The following NAB2 variants were observed in gnomAD, a reference collection of about 807,000 sequenced individuals.
The protein encoded by NAB2 is NGFI-A binding protein 2, also known as NGFI-A-binding protein 2.
A neutral mutation model predicts 44.2 loss-of-function variants in NAB2; 9 were observed. The observed-to-expected ratio is 0.20, with a 90% CI of 0.12 to 0.36. The LOEUF (loss-of-function observed/expected upper bound fraction) is 0.36. Ranked by LOEUF, NAB2 falls within the 10% of genes least tolerant of loss-of-function variation. NAB2 has a pLI of 1.00. For missense variants in NAB2, 514 were observed against 709.0 expected (o/e 0.73, Z 3.12); for synonymous variants, 342 against 291.0 (o/e 1.18, Z -1.78).
In NAB2 at chr12:57,095,316, C is replaced by G. The variant is rs2033334130; in HGVS notation, c.*595C>G. ...GGGCGGTGGGTGTGGGATCCCTTCA[C>G]TGGCCCCCTCGGGAGGCCTGGGTTG... On this transcript the variant is annotated 3_prime_UTR_variant, in exon 7 of 7. Transcript: ENST00000300131. 6.5e-6 allele frequency: 1 copy of G among 153,164 alleles called. No homozygotes were observed. Among genetic ancestry groups the G allele is most frequent in the African/African-American group, 2.4e-5 (1 of 41,462 alleles). The allele number at this position is 153,164 out of a possible 1,614,324, so 9.5% of individuals were successfully genotyped here. A position where few individuals can be genotyped will look rare whatever the true frequency, so the allele number is the denominator to read the frequency against.
chr12:57,094,095 T>C (rs1206541655), intron 6 of NAB2, among the ~76,000 whole-genome samples: 1 of 151,424 alleles, frequency 6.6e-6, no homozygotes, highest in Non-Finnish European at 1.5e-5. Flanking sequence ...CAACCCTGGC[T>C]TGGTATTTTT....
Position 57,091,074 on chromosome 12 carries a change from C to T in NAB2, c.84-51C>T, listed in dbSNP as rs1422235289. The T allele has an allele frequency of 7.0e-7, 1 of 1,434,014 alleles. No individual in the cohort carries two copies. Among genetic ancestry groups the T allele is most frequent in the Non-Finnish European group, 9.4e-7 (1 of 1,066,816 alleles). 88.8% of individuals were successfully genotyped at this position (1,434,014 alleles called of 1,614,324 possible). ...ACAATTGTTAGTGTGGGTTGGTACC[C>T]AGTAGGGGGACTTGCACCGACTGCC... On this transcript the variant is annotated intron_variant, in intron 1 of 6. Coordinates refer to ENST00000300131, the MANE Select transcript of NAB2 (RefSeq NM_005967.4). This position sits in a 1 kb window ranked among gnomAD's most constrained non-coding sequence, Gnocchi z 7.3.
chr12:57,093,562 C>T lies in NAB2; in HGVS notation c.1432C>T (p.Leu478Phe), dbSNP rs753131155. 6.5e-7 allele frequency: 1 copy of T among 1,540,360 alleles called. No homozygotes were observed. Among genetic ancestry groups the T allele is most frequent in the Non-Finnish European group, 8.7e-7 (1 of 1,143,546 alleles). The change falls in exon 6 of 7, where the codon CTC becomes TTC. Residue 478 changes from leucine (L) to phenylalanine (F), a missense_variant. Around this residue, in one of 5 missense-constraint regions of NAB2, gnomAD observed 194 missense variants for 223.9 expected, o/e 0.87. Coordinates refer to ENST00000300131, the MANE Select transcript of NAB2 (RefSeq NM_005967.4). ...CGTCTCCCACGACCGCGTGGGCCGC[C>T]TCAGCCCCTGTGTGCCTGCGAAGCC... ...RLVSHDRVGRLSPCVPAKPPL... is the reference protein window; with the variant it reads ...RLVSHDRVGRFSPCVPAKPPL...
rs1352401227 is a variant in NAB2, at chr12:57,091,983, G to C, written c.942G>C (p.Gln314His). The C allele has an allele frequency of 1.2e-6, 2 of 1,608,714 alleles. No individual in the cohort carries two copies. The highest frequency in any genetic ancestry group is 4.5e-5 in the East Asian group (2 of 44,798). The change falls in exon 2 of 7, where the codon CAG (glutamine) becomes CAC (histidine). Residue 314 changes from glutamine to histidine, a missense_variant. Around this residue, in one of 5 missense-constraint regions of NAB2, gnomAD observed 53 missense variants for 108.5 expected, o/e 0.49. Coordinates refer to ENST00000300131, the MANE Select transcript of NAB2 (RefSeq NM_005967.4). The surrounding 1 kb of genome is among the most constrained non-coding windows in gnomAD (Gnocchi z 7.3). ...ACTCTAAGCGGCGGGAGGGCAAGCA[G>C]CTCAGCCTGCACGAGGTGAGAACCC... ...RFDSKRREGK[Q>H]LSLHELTINE... is the part of the protein sequence containing the mutation.
intron 6 of NAB2, 49 bp downstream of exon 6, chr12:57,093,647 C>G (rs899333919): frequency 2.8e-6 from 4 of 1,434,892 alleles, no homozygotes; most frequent in Admixed American, 5.5e-5. Flanking sequence ...CACTCAGGCC[C>G]CACACAGCAA....
At chr12:57,093,336 C>T (rs1592533590) in intron 5 of NAB2, 71 bp from the exon 6 acceptor site, 2 of 1,471,610 alleles carry the variant, frequency 1.4e-6, no homozygotes, top group African/African-American at 2.8e-5. Flanking sequence ...GGCCTGTGGG[C>T]TGGCTATGTG....
chr12:57,089,905 C>T lies in NAB2; in HGVS notation c.83+551C>T, dbSNP rs983782719. The stretch of plus-strand genomic sequence containing the variant: ...ATCAAGAGGCCTTGAGCCGCTCCCC[C>T]ACTCCACTTGAAGATGCGGGTGGAA... On this transcript the variant is annotated intron_variant, in intron 1 of 6. Transcript: ENST00000300131. 3.3e-5 allele frequency among the ~76,000 whole-genome samples: 5 copies of T among 152,232 alleles called. No individual in the cohort carries two copies. The East Asian group carries it at 9.6e-4, about 29-fold the overall frequency.
Position 57,093,349 on chromosome 12 carries a change from T to C in NAB2, c.1277-58T>C. 6.1e-6 allele frequency: 9 copies of C among 1,476,474 alleles called. No homozygotes were observed. The South Asian group carries it at 1.2e-4, about 20-fold the overall frequency. 91.5% of individuals were successfully genotyped at this position (1,476,474 alleles called of 1,614,324 possible). A position where few individuals can be genotyped will look rare whatever the true frequency, so the allele number is the denominator to read the frequency against. On this transcript the variant is annotated intron_variant, in intron 5 of 6. Coordinates refer to ENST00000300131, the MANE Select transcript of NAB2 (RefSeq NM_005967.4). ...AGGGCCTGTGGGCTGGCTATGTGGT[T>C]GAGGGTGGGGGTTCCATTGGCTGCA...
intron 1 of NAB2, 139 bp downstream of exon 1, chr12:57,089,493 G>C: frequency 1.4e-6 from 1 of 728,942 alleles, no homozygotes; most frequent in Non-Finnish European, 2.2e-6. Context: ...GGAAAAGGGG[G>C]TGCGTCTTCG....
At chr12:57,093,723 C>A in intron 6 of NAB2, 125 bp downstream of exon 6, 2 of 1,079,880 alleles carry the variant, frequency 1.9e-6, no homozygotes, top group Non-Finnish European at 2.5e-6. Flanking sequence ...AGTAGGATGG[C>A]TGGGCTCCAG....
At position 57,091,020 on chromosome 12, in the gene NAB2, G is replaced by A; in HGVS notation, c.84-105G>A. 1 of 999,788 alleles carries A rather than the reference G, an allele frequency of 1.0e-6. No individual in the cohort carries two copies. The highest frequency in any genetic ancestry group is 1.5e-6 in the Non-Finnish European group (1 of 686,884). The allele number at this position is 999,788 out of a possible 1,614,324, so 61.9% of individuals were successfully genotyped here. A position where few individuals can be genotyped will look rare whatever the true frequency, so the allele number is the denominator to read the frequency against. ...GGCAGGATAGCATCCAAATGAGGGA[G>A]GGGAAGAAAAGCAGGCAGGAAAGAG... On this transcript the variant is annotated intron_variant, in intron 1 of 6. Transcript: ENST00000300131. This position sits in a 1 kb window ranked among gnomAD's most constrained non-coding sequence, Gnocchi z 7.3.
Position 57,095,276 on chromosome 12 carries a change from C to T in NAB2, c.*555C>T, listed in dbSNP as rs1428728703. 6.5e-6 allele frequency: 1 copy of T among 154,070 alleles called. No homozygotes were observed. Among genetic ancestry groups the T allele is most frequent in the African/African-American group, 2.4e-5 (1 of 41,438 alleles). The allele number at this position is 154,070 out of a possible 1,614,324, so 9.5% of individuals were successfully genotyped here. ...TCCCCCAAGTCCTTTGCAATTTCTTCCCTGCCCTACATAGGGGCGGTGGGT... is the reference window on the plus strand; with the variant it reads ...TCCCCCAAGTCCTTTGCAATTTCTTTCCTGCCCTACATAGGGGCGGTGGGT... On this transcript the variant is annotated 3_prime_UTR_variant, in exon 7 of 7. Transcript: ENST00000300131.
At position 57,092,954 on chromosome 12, in the gene NAB2, A is replaced by C; in HGVS notation, c.1129A>C (p.Lys377Gln). 1 of 1,614,190 alleles carries C rather than the reference A, an allele frequency of 6.2e-7. No homozygotes were observed. The highest frequency in any genetic ancestry group is 8.5e-7 in the Non-Finnish European group (1 of 1,180,028). Residue 377 changes from lysine to glutamine, a missense_variant, in exon 4 of 7, where the codon AAG becomes CAG. Physicochemically the swap from Lys to Gln is moderately conservative, Grantham distance 53. Transcript: ENST00000300131. ...AGAACTGGGAGGCCCTCCACTGAAGAAGCTGAAACAAGAGGTATGTTTTCC... is the reference window on the plus strand; with the variant it reads ...AGAACTGGGAGGCCCTCCACTGAAGCAGCTGAAACAAGAGGTATGTTTTCC... The part of the protein sequence containing the change: ...PEELGGPPLK[K>Q]LKQEVGEQSH...
chr12:57,089,741 C>CCGGGGTCCTGGAGAAGG (rs60136664), intron 1 of NAB2, among the ~76,000 whole-genome samples: 105,835 of 150,430 alleles, frequency 0.7, 37,618 homozygotes, highest in African/African-American at 0.79. Flanking sequence ...GCGCGGGCCC[C>CCGGGGTCCTGGAGAAGG]CGGTGCCTTT....
Position 57,092,578 on chromosome 12 carries a change from C to T in NAB2, c.1088C>T (p.Ser363Phe), listed in dbSNP as rs369196466. 4.3e-6 allele frequency: 7 copies of T among 1,614,070 alleles called. No individual in the cohort carries two copies. Among genetic ancestry groups the T allele is most frequent in the Non-Finnish European group, 2.5e-6 (3 of 1,179,954 alleles). The change falls in exon 3 of 7, where the codon TCC (serine) becomes TTC (phenylalanine). Residue 363 changes from serine (S) to phenylalanine (F), a missense_variant. By Grantham distance (155) the Ser-to-Phe change is radical. Transcript: ENST00000300131. ...ACCTACTTGTCCTCCTTGAAGGGCT[C>T]CAGGTGAGACCCCTTCCCCAGGTCC... ...ESTYLSSLKG[S>F]RLHPEELGGP... is the part of the protein sequence containing the mutation.
At position 57,089,262 on chromosome 12, in the gene NAB2, C is replaced by T. The variant is rs1265234310; in HGVS notation, c.-10C>T. On this transcript the variant is annotated 5_prime_UTR_variant, in exon 1 of 7. Coordinates refer to ENST00000300131, the MANE Select transcript of NAB2 (RefSeq NM_005967.4). ...CCGAGAAGGGCAGCCCGGGTGATCTCCGGCCGTCCATGCACAGAGCGCCTT... is the reference window on the plus strand; with the variant it reads ...CCGAGAAGGGCAGCCCGGGTGATCTTCGGCCGTCCATGCACAGAGCGCCTT... 1.3e-6 allele frequency: 2 copies of T among 1,568,366 alleles called. No individual in the cohort carries two copies. Among genetic ancestry groups the T allele is most frequent in the Middle Eastern group, 1.7e-4 (1 of 5,842 alleles).
chr12:57,093,379 C>G, intron 5 of NAB2, 28 bp from the exon 6 acceptor site: 1 of 1,522,406 alleles, frequency 6.6e-7, no homozygotes, highest in South Asian at 1.3e-5. Context: ...GCTGCAGCCC[C>G]TTACCTGACC....
At chr12:57,092,412 C>T (rs374277148) in intron 2 of NAB2, 36 bp from the exon 3 acceptor site, 41 of 1,608,444 alleles carry the variant, frequency 2.5e-5, no homozygotes, top group African/African-American at 4.0e-5. Context: ...CGGGGAAGTT[C>T]GAATTCTGAC....
chr12:57,092,850 T>G (rs1349014120), intron 3 of NAB2, 67 bp from the exon 4 acceptor site: 4 of 1,576,900 alleles, frequency 2.5e-6, no homozygotes, highest in Non-Finnish European at 3.5e-6. Context: ...TCTGGCTGGG[T>G]TCTGTGCTCT....
Sources: allele counts gnomAD v4.1 joint callset (sites outside exome capture counted in the v4.1 genomes callset), GRCh38; gene constraint gnomAD v4.1.1; regional missense constraint gnomAD v4.1.1; non-coding constraint Gnocchi (gnomAD v3.1); transcripts MANE v1.5; gene names NCBI Gene and HGNC (gene_info 2026-07-23, HGNC 2026-07-21).